The following ABCC5 variants were observed in gnomAD, a reference collection of about 807,000 sequenced individuals.
The protein encoded by ABCC5 is ATP binding cassette subfamily C member 5.
ABCC5 carries 61 observed loss-of-function variants against 160.9 expected under a neutral mutation model. The observed-to-expected ratio is 0.38, with a 90% CI of 0.31 to 0.47. The LOEUF (loss-of-function observed/expected upper bound fraction) is 0.47. ABCC5 is among the 20% of genes least tolerant of loss of function. The pLI, the probability that ABCC5 is intolerant of heterozygous loss-of-function variation, is 0.99. For synonymous variants in ABCC5, 666 were observed against 700.6 expected (o/e 0.95, Z 0.78); for missense variants, 1,308 against 1,813.3 (o/e 0.72, Z 5.06).
intron 2 of ABCC5, among the ~76,000 whole-genome samples, chr3:184,006,700 C>T (rs148025191): frequency 6.6e-6 from 1 of 152,208 alleles, no homozygotes; most frequent in African/African-American, 2.4e-5. Flanking sequence ...AATACATCTT[C>T]GAATCATTTC....
intron 23 of ABCC5, among the ~76,000 whole-genome samples, chr3:183,947,110 C>T (rs975111648): frequency 7.9e-5 from 12 of 152,158 alleles, no homozygotes; most frequent in African/African-American, 2.9e-4. Context: ...GAGTTCGATT[C>T]CTTTATTCCT....
rs1018973234 is a variant in ABCC5, at chr3:183,955,801, T to C, written c.2483-2531A>G. The stretch of plus-strand genomic sequence containing the variant: ...ATTACATCTGTTACATGCAGATCCA[T>C]GTGTATATCACATCAGTTACATGCA... On this transcript the variant is annotated intron_variant, in intron 17 of 29. Transcript: ENST00000334444. 3.1e-4 allele frequency among the ~76,000 whole-genome samples: 45 copies of C among 143,614 alleles called. 5 individuals are homozygous for C. The highest frequency in any genetic ancestry group is 9.7e-4 in the African/African-American group (38 of 39,368). The allele number at this position is 143,614 out of a possible 152,430, so 94.2% of individuals were successfully genotyped here.
chr3:183,935,643 C>CT (rs1194120758), intron 26 of ABCC5, among the ~76,000 whole-genome samples: 1 of 152,004 alleles, frequency 6.6e-6, no homozygotes, highest in African/African-American at 2.4e-5. Flanking sequence ...TCTGGAGTAG[C>CT]TGGGACCACA....
At chr3:183,940,512 G>A (rs1714227107) in intron 25 of ABCC5, among the ~76,000 whole-genome samples, 1 of 150,962 alleles carries the variant, frequency 6.6e-6, no homozygotes, top group Non-Finnish European at 1.5e-5. Flanking sequence ...TCAGGGTTGG[G>A]GGACTCAGTT....
At chr3:183,979,867 G>T (rs1289824172) in intron 8 of ABCC5, among the ~76,000 whole-genome samples, 1 of 150,500 alleles carries the variant, frequency 6.6e-6, no homozygotes, top group Non-Finnish European at 1.5e-5. Context: ...GAGCCACCTC[G>T]CCCGGCCAAT....
intron 25 of ABCC5, among the ~76,000 whole-genome samples, chr3:183,940,485 A>AAAAG (rs1560478004): frequency 6.9e-6 from 1 of 144,084 alleles, no homozygotes; most frequent in Non-Finnish European, 1.5e-5. Flanking sequence ...AAAAAAAAAA[A>AAAAG]AAATGAATGA....
At chr3:183,964,318 G>C (rs1717032722) in intron 14 of ABCC5, among the ~76,000 whole-genome samples, 1 of 152,230 alleles carries the variant, frequency 6.6e-6, no homozygotes, top group African/African-American at 2.4e-5. Context: ...GTGCCAAACA[G>C]TGTCTGCACA....
At chr3:183,930,602 T>G in intron 26 of ABCC5, among the ~76,000 whole-genome samples, 1 of 152,140 alleles carries the variant, frequency 6.6e-6, no homozygotes, top group East Asian at 1.9e-4. Flanking sequence ...GATGGCCACG[T>G]GAAGGCAGAG....
chr3:183,945,741 G>T, intron 24 of ABCC5, 109 bp downstream of exon 24: 1 of 823,358 alleles, frequency 1.2e-6, no homozygotes, highest in Non-Finnish European at 2.1e-6. Flanking sequence ...TGTGGGATTA[G>T]ATAGGCAGAG....
chr3:183,944,484 GAAC>G (rs10575785), intron 24 of ABCC5, among the ~76,000 whole-genome samples: 19,874 of 152,116 alleles, frequency 0.13, 1,434 homozygotes, highest in East Asian at 0.34. Flanking sequence ...CAAGTGTTGG[GAAC>G]TCAGAATATA....
In ABCC5 at chr3:183,956,024, A is replaced by C. The variant is rs1188019399; in HGVS notation, c.2483-2754T>G. Among the ~76,000 whole-genome samples the C allele has an allele frequency of 7.3e-5, 9 of 123,548 alleles. 2 individuals are homozygous for C. Among genetic ancestry groups the C allele is most frequent in the African/African-American group, 2.8e-4 (9 of 32,368 alleles). 81.1% of individuals were successfully genotyped at this position (123,548 alleles called of 152,430 possible). ...TATCACATCGGTTACATGTTCATCC[A>C]TGTGTATATCACATCAGTTACATGC... On this transcript the variant is annotated intron_variant, in intron 17 of 29. Transcript: ENST00000334444.
chr3:183,928,406 C>T (rs534043565), intron 27 of ABCC5, among the ~76,000 whole-genome samples: 1 of 152,306 alleles, frequency 6.6e-6, no homozygotes, highest in South Asian at 2.1e-4. Context: ...GCCACTGCGC[C>T]CGGCCACGTT....
chr3:183,956,244 A>C (rs1386404444), intron 17 of ABCC5, among the ~76,000 whole-genome samples: 2 of 146,506 alleles, frequency 1.4e-5, no homozygotes, highest in Admixed American at 1.4e-4. Context: ...TTACATGCAG[A>C]TCCGTGTGTA....
At chr3:183,955,091 C>T (rs1036871844) in intron 17 of ABCC5, among the ~76,000 whole-genome samples, 2 of 152,098 alleles carry the variant, frequency 1.3e-5, no homozygotes, top group Non-Finnish European at 2.9e-5. Flanking sequence ...TGAAGCCTCC[C>T]AGTAGCAGAC....
chr3:183,993,274 A>G (rs1336522802), intron 2 of ABCC5, among the ~76,000 whole-genome samples: 1 of 152,144 alleles, frequency 6.6e-6, no homozygotes, highest in East Asian at 1.9e-4. Context: ...TCCTTAGGTC[A>G]GGAGTCTGAA....
In ABCC5 at chr3:183,927,374, G is replaced by A. The variant is rs1577450767; in HGVS notation, c.4003C>T (p.Arg1335Trp). The stretch of plus-strand genomic sequence containing the variant: ...GCTCTAGCTATGCACAAGAGCTGCC[G>A]TTCCCCCACTGAGAAGTTATCCCCA... ...ENGDNFSVGERQLLCIARALL... is the reference protein window; with the variant it reads ...ENGDNFSVGEWQLLCIARALL... Residue 1335 changes from arginine (R) to tryptophan (W), a missense_variant, in exon 28 of 30, where the codon CGG (arginine) becomes TGG (tryptophan). Physicochemically the swap from Arg to Trp is moderately radical, Grantham distance 101 (BLOSUM62 -3). Around this residue, in one of 3 missense-constraint regions of ABCC5, gnomAD observed 163 missense variants for 269.7 expected, o/e 0.60. Transcript: ENST00000334444. The A allele has an allele frequency of 4.3e-6, 7 of 1,613,716 alleles. No individual in the cohort carries two copies. The highest frequency in any genetic ancestry group is 5.9e-6 in the Non-Finnish European group (7 of 1,179,836).
intron 26 of ABCC5, among the ~76,000 whole-genome samples, chr3:183,937,300 C>T (rs1005885907): frequency 1.3e-5 from 2 of 152,168 alleles, no homozygotes; most frequent in Admixed American, 1.3e-4. Context: ...TCACTTGAAC[C>T]CAGGAGGCGG....
At chr3:183,926,688 C>T (rs1712600817) in intron 28 of ABCC5, among the ~76,000 whole-genome samples, 1 of 152,152 alleles carries the variant, frequency 6.6e-6, no homozygotes, top group South Asian at 2.1e-4. Context: ...GACAAAAGGA[C>T]ATTCTTTTCC....
intron 1 of ABCC5, 31 bp from the exon 2 acceptor site, chr3:184,014,478 T>C: frequency 5.4e-6 from 8 of 1,468,380 alleles, no homozygotes; most frequent in Non-Finnish European, 7.3e-6. Flanking sequence ...AGAAATAGAT[T>C]ATTTCCTAAA....
Sources: gnomAD v4.1 joint callset for allele counts (sites outside exome capture counted in the v4.1 genomes callset) on GRCh38, gnomAD v4.1.1 for gene constraint, gnomAD v4.1.1 regional missense constraint, MANE v1.5 for transcripts, NCBI Gene and HGNC (gene_info 2026-07-23, HGNC 2026-07-21) for gene names.